Variants in PCDHB3 observed in about 807,000 individuals in gnomAD.
PCDHB3 encodes protocadherin beta 3, also known as protocadherin beta-3.
For synonymous variants in PCDHB3, 479 were observed against 456.0 expected, an observed-to-expected ratio of 1.05 and a Z score of -0.64; for missense variants, 967 against 1,012.1, an observed-to-expected ratio of 0.96 and a Z score of 0.60.
rs1554272204 is a variant in PCDHB3, at chr5:141,101,157, T to A, written c.508T>A (p.Tyr170Asn). 1 of 1,614,150 alleles carries A rather than the reference T, an allele frequency of 6.2e-7. No homozygotes were observed. The highest frequency in any genetic ancestry group is 1.1e-5 in the South Asian group (1 of 91,088). Residue 170 changes from tyrosine (Y) to asparagine (N), a missense_variant, in exon 1 of 1, where the codon TAC (tyrosine) becomes AAC (asparagine). By Grantham distance (143) the Tyr-to-Asn change is moderately radical. Transcript: ENST00000231130. ...TGTGGGAAGAAACAGCCTCCAAAAC[T>A]ACACTATCACTCCGAATTCCCACTT... ...LDVGRNSLQN[Y>N]TITPNSHFHV...
In PCDHB3 at chr5:141,102,773, C is replaced by T. The variant is rs782371087; in HGVS notation, c.2124C>T (p.Phe708=). The part of the protein sequence containing the change: ...SSLFLFSVLL[F]VAVRLCRRSR... ...TCTTCCTCTTTTCGGTGCTCCTGTTCGTGGCGGTGCGGCTGTGCAGGAGGA... is the reference window on the plus strand; with the variant it reads ...TCTTCCTCTTTTCGGTGCTCCTGTTTGTGGCGGTGCGGCTGTGCAGGAGGA... Residue 708 remains phenylalanine (F), a synonymous_variant, in exon 1 of 1, where the codon TTC becomes TTT. Coordinates refer to ENST00000231130, the MANE Select transcript of PCDHB3 (RefSeq NM_018937.5). 1 of 1,612,202 alleles carries T rather than the reference C, an allele frequency of 6.2e-7. No individual in the cohort carries two copies.
Position 141,102,379 on chromosome 5 carries a change from CCCGGGCGGCTGAG to C in PCDHB3, c.1737_1749del (p.Ala580ThrfsTer3), listed in dbSNP as rs541148618. The C allele has an allele frequency of 0.012, 19,297 of 1,609,148 alleles. 167 individuals carry two copies. The highest frequency in any genetic ancestry group is 0.015 in the Non-Finnish European group (17,363 of 1,177,842). On this transcript the variant is annotated frameshift_variant, in exon 1 of 1. Transcript: ENST00000231130. LOFTEE classifies it low-confidence loss of function (END_TRUNC). ...TCCGCGCCCTGCACCGAGCTGGTGC[CCCGGGCGGCTGAG>C]CCGGGCTACCTGGTGACCAAGGTGG... is the stretch of plus-strand genomic sequence containing the variant.
chr5:141,102,827 G>C lies in PCDHB3; in HGVS notation c.2178G>C (p.Ser726=), dbSNP rs370310302. 2.5e-6 allele frequency: 4 copies of C among 1,612,030 alleles called. No homozygotes were observed. Among genetic ancestry groups the C allele is most frequent in the African/African-American group, 1.3e-5 (1 of 74,706 alleles). ...GGGCGGCCTCGGTGGGTCGCTGCTC[G>C]GTGCCCGAGGGCCCCTTTCCAGGGC... ...RSRAASVGRC[S]VPEGPFPGQM... is the part of the protein sequence containing the mutation. The change falls in exon 1 of 1, where the codon TCG becomes TCC. Residue 726 remains serine (S), a synonymous_variant. Transcript: ENST00000231130.
In PCDHB3 at chr5:141,102,778, C is replaced by A. The variant is rs782039280; in HGVS notation, c.2129C>A (p.Ala710Glu). The A allele has an allele frequency of 1.2e-6, 2 of 1,612,190 alleles. No homozygotes were observed. Among genetic ancestry groups the A allele is most frequent in the South Asian group, 2.2e-5 (2 of 90,978 alleles). Residue 710 changes from alanine to glutamate, a missense_variant, in exon 1 of 1, where the codon GCG (alanine) becomes GAG (glutamate). Physicochemically the swap from Ala to Glu is moderately radical, Grantham distance 107. Coordinates refer to ENST00000231130, the MANE Select transcript of PCDHB3 (RefSeq NM_018937.5). ...LFLFSVLLFV[A>E]VRLCRRSRAA... The stretch of plus-strand genomic sequence containing the variant: ...CTCTTTTCGGTGCTCCTGTTCGTGG[C>A]GGTGCGGCTGTGCAGGAGGAGCAGG...
chr5:141,103,126 T>C lies in PCDHB3; in HGVS notation c.*86T>C. On this transcript the variant is annotated 3_prime_UTR_variant, in exon 1 of 1. Transcript: ENST00000231130. ...GCTTTGTCCATTGGAGAGGTCTTTT[T>C]TGGTCTGGTTCAAGGCAAGTAGCAA... 2 of 1,489,960 alleles carry C rather than the reference T, an allele frequency of 1.3e-6. No homozygotes were observed. Among genetic ancestry groups the C allele is most frequent in the Non-Finnish European group, 1.8e-6 (2 of 1,109,456 alleles). 92.3% of individuals were successfully genotyped at this position (1,489,960 alleles called of 1,614,324 possible).
chr5:141,102,279 G>A lies in PCDHB3; in HGVS notation c.1630G>A (p.Glu544Lys). ...TDRGSPALSS[E>K]ALVRVLVLDA... ...CCGTGGCTCCCCGGCTTTGAGCAGC[G>A]AGGCGCTGGTGCGCGTGCTGGTGCT... The change falls in exon 1 of 1, where the codon GAG (glutamate) becomes AAG (lysine). Residue 544 changes from glutamate (E) to lysine (K), a missense_variant. Coordinates refer to ENST00000231130, the MANE Select transcript of PCDHB3 (RefSeq NM_018937.5). 6.2e-7 allele frequency: 1 copy of A among 1,611,898 alleles called. No homozygotes were observed. Among genetic ancestry groups the A allele is most frequent in the Non-Finnish European group, 8.5e-7 (1 of 1,179,784 alleles).
At position 141,101,282 on chromosome 5, in the gene PCDHB3, G is replaced by C; in HGVS notation, c.633G>C (p.Thr211=). The change falls in exon 1 of 1, where the codon ACG becomes ACC. Residue 211 remains threonine (T), a synonymous_variant. Transcript: ENST00000231130. ...DPEEQPELSL[T]LTALDGGSPP... ...AGGAGCAGCCGGAACTCAGCTTAAC[G>C]CTCACCGCGCTGGACGGCGGCTCTC... The C allele has an allele frequency of 1.9e-6, 3 of 1,614,200 alleles. No homozygotes were observed. Among genetic ancestry groups the C allele is most frequent in the Non-Finnish European group, 1.7e-6 (2 of 1,180,044 alleles).
In PCDHB3 at chr5:141,103,031, A is replaced by T. The variant is rs540337750; in HGVS notation, c.2382A>T (p.Glu794Asp). ...ATCCCAGTTTCAGGAAGAGCTTTGA[A>T]TTCAGTTAAGTGTTAATAAGGATCT... ...EANPSFRKSF[E>D]FS The change falls in exon 1 of 1, where the codon GAA becomes GAT. Residue 794 changes from glutamate to aspartate, a missense_variant. Physicochemically the swap from Glu to Asp is conservative, Grantham distance 45. Transcript: ENST00000231130. 6 of 1,607,802 alleles carry T rather than the reference A, an allele frequency of 3.7e-6. No individual in the cohort carries two copies. In the South Asian group the frequency reaches 6.7e-5, roughly 18 times the overall value.
chr5:141,102,294 G>C lies in PCDHB3; in HGVS notation c.1645G>C (p.Val549Leu). 1 of 1,611,728 alleles carries C rather than the reference G, an allele frequency of 6.2e-7. No homozygotes were observed. Among genetic ancestry groups the C allele is most frequent in the Non-Finnish European group, 8.5e-7 (1 of 1,179,712 alleles). Residue 549 changes from valine (V) to leucine (L), a missense_variant, in exon 1 of 1, where the codon GTG (valine) becomes CTG (leucine). Transcript: ENST00000231130. ...TTTGAGCAGCGAGGCGCTGGTGCGCGTGCTGGTGCTGGACGCCAACGACAA... is the reference window on the plus strand; with the variant it reads ...TTTGAGCAGCGAGGCGCTGGTGCGCCTGCTGGTGCTGGACGCCAACGACAA... ...PALSSEALVR[V>L]LVLDANDNSP...
chr5:141,102,382 G>A lies in PCDHB3; in HGVS notation c.1733G>A (p.Arg578Gln), dbSNP rs1345846371. Reference sequence around the variant, plus strand: ...GCGCCCTGCACCGAGCTGGTGCCCCGGGCGGCTGAGCCGGGCTACCTGGTG... The same window carrying A: ...GCGCCCTGCACCGAGCTGGTGCCCCAGGCGGCTGAGCCGGGCTACCTGGTG... ...GSAPCTELVP[R>Q]AAEPGYLVTK... Residue 578 changes from arginine to glutamine, a missense_variant, in exon 1 of 1, where the codon CGG (arginine) becomes CAG (glutamine). By Grantham distance (43) the Arg-to-Gln change is conservative. Transcript: ENST00000231130. 2 of 1,570,996 alleles carry A rather than the reference G, an allele frequency of 1.3e-6. No homozygotes were observed.
rs1554272263 is a variant in PCDHB3 at position 141,101,333 on chromosome 5, A to G, written c.684A>G (p.Ile228Met). 1 of 1,614,088 alleles carries G rather than the reference A, an allele frequency of 6.2e-7. No homozygotes were observed. Among genetic ancestry groups the G allele is most frequent in the Non-Finnish European group, 8.5e-7 (1 of 1,180,024 alleles). ...GSPPRSGTAQ[I>M]NIQVLDINDN... ...CCCCTCGGTCTGGGACAGCCCAGAT[A>G]AACATCCAGGTCTTAGATATAAACG... Residue 228 changes from isoleucine (I) to methionine (M), a missense_variant, in exon 1 of 1, where the codon ATA (isoleucine) becomes ATG (methionine). By Grantham distance (10) the Ile-to-Met change is conservative (BLOSUM62 1). Transcript: ENST00000231130.
Position 141,101,914 on chromosome 5 carries a change from C to G in PCDHB3, c.1265C>G (p.Thr422Ser), listed in dbSNP as rs1386795631. 6.2e-7 allele frequency: 1 copy of G among 1,614,064 alleles called. No homozygotes were observed. The highest frequency in any genetic ancestry group is 1.3e-5 in the African/African-American group (1 of 74,928). The change falls in exon 1 of 1, where the codon ACT (threonine) becomes AGT (serine). Residue 422 changes from threonine (T) to serine (S), a missense_variant. Coordinates refer to ENST00000231130, the MANE Select transcript of PCDHB3 (RefSeq NM_018937.5). ...AGATCCGAGTACAACATTACCATCACTATCACTGACCTGGGGACACCCAGG... is the reference window on the plus strand; with the variant it reads ...AGATCCGAGTACAACATTACCATCAGTATCACTGACCTGGGGACACCCAGG... ...ETRSEYNITI[T>S]ITDLGTPRLK...
Position 141,101,301 on chromosome 5 carries a change from G to A in PCDHB3, c.652G>A (p.Gly218Ser), listed in dbSNP as rs200289588. ...CTTAACGCTCACCGCGCTGGACGGC[G>A]GCTCTCCCCCTCGGTCTGGGACAGC... ...LSLTLTALDG[G>S]SPPRSGTAQI... Residue 218 changes from glycine to serine, a missense_variant, in exon 1 of 1, where the codon GGC becomes AGC. Gly to Ser is a moderately conservative substitution (Grantham distance 56, BLOSUM62 0). Transcript: ENST00000231130. 1.9e-4 allele frequency: 313 copies of A among 1,613,912 alleles called. No homozygotes were observed. The highest frequency in any genetic ancestry group is 2.6e-4 in the Non-Finnish European group (301 of 1,179,922).
Position 141,103,131 on chromosome 5 carries a change from C to G in PCDHB3, c.*91C>G. On this transcript the variant is annotated 3_prime_UTR_variant, in exon 1 of 1. Transcript: ENST00000231130. ...GTCCATTGGAGAGGTCTTTTTTGGT[C>G]TGGTTCAAGGCAAGTAGCAAGAATA... 1 of 1,470,276 alleles carries G rather than the reference C, an allele frequency of 6.8e-7. No homozygotes were observed. The highest frequency in any genetic ancestry group is 9.2e-7 in the Non-Finnish European group (1 of 1,092,094). 91.1% of individuals were successfully genotyped at this position (1,470,276 alleles called of 1,614,324 possible). A position where few individuals can be genotyped will look rare whatever the true frequency, so the allele number is the denominator to read the frequency against.
chr5:141,100,540 G>A lies in PCDHB3; in HGVS notation c.-110G>A. 1.2e-6 allele frequency: 1 copy of A among 866,370 alleles called. No homozygotes were observed. Among genetic ancestry groups the A allele is most frequent in the Non-Finnish European group, 1.8e-6 (1 of 553,108 alleles). The allele number at this position is 866,370 out of a possible 1,614,324, so 53.7% of individuals were successfully genotyped here. ...GCCAGCAAGTCTGAGCCTCTGGAAA[G>A]GCTTATTCACTAGGCCGTCTACAAA... On this transcript the variant is annotated 5_prime_UTR_variant, in exon 1 of 1. Coordinates refer to ENST00000231130, the MANE Select transcript of PCDHB3 (RefSeq NM_018937.5).
In PCDHB3 at chr5:141,100,711, T is replaced by C. The variant is rs1554272055; in HGVS notation, c.62T>C (p.Leu21Pro). The C allele has an allele frequency of 5.6e-6, 9 of 1,613,254 alleles. No individual in the cohort carries two copies. The highest frequency in any genetic ancestry group is 2.7e-5 in the African/African-American group (2 of 74,838). The change falls in exon 1 of 1, where the codon CTG (leucine) becomes CCG (proline). Residue 21 changes from leucine (L) to proline (P), a missense_variant. Physicochemically the swap from Leu to Pro is moderately conservative, Grantham distance 98 (BLOSUM62 -3). Transcript: ENST00000231130. ...CAAGTCTTGCTTCTCTTTGTTTTTC[T>C]GGGAGGGTCTCTGGCTGGGTCCGAG... ...QRQVLLLFVF[L>P]GGSLAGSESR...
Position 141,100,801 on chromosome 5 carries a change from A to T in PCDHB3, c.152A>T (p.Asp51Val). ...KGFLIANLAK[D>V]LGLRVEELAA... Reference sequence around the variant, plus strand: ...TTTTTAATAGCCAACCTAGCAAAGGATCTGGGACTAAGGGTAGAGGAACTG... The same window carrying T: ...TTTTTAATAGCCAACCTAGCAAAGGTTCTGGGACTAAGGGTAGAGGAACTG... Residue 51 changes from aspartate to valine, a missense_variant, in exon 1 of 1, where the codon GAT (aspartate) becomes GTT (valine). Coordinates refer to ENST00000231130, the MANE Select transcript of PCDHB3 (RefSeq NM_018937.5). 6.2e-7 allele frequency: 1 copy of T among 1,614,126 alleles called. No individual in the cohort carries two copies. Among genetic ancestry groups the T allele is most frequent in the South Asian group, 1.1e-5 (1 of 91,076 alleles).
chr5:141,102,060 G>C lies in PCDHB3; in HGVS notation c.1411G>C (p.Gly471Arg), dbSNP rs782301047. The C allele has an allele frequency of 5.3e-5, 86 of 1,612,788 alleles. No individual in the cohort carries two copies. Among genetic ancestry groups the C allele is most frequent in the Admixed American group, 2.7e-4 (16 of 59,998 alleles). Residue 471 changes from glycine (G) to arginine (R), a missense_variant, in exon 1 of 1, where the codon GGC becomes CGC. Transcript: ENST00000231130. ...GAACAACAGCCCCGCCCTGCACATC[G>C]GCAGTGTCAGCGCCACAGACAGAGA... ...RENNSPALHI[G>R]SVSATDRDSG... is the part of the protein sequence containing the mutation.
Position 141,102,601 on chromosome 5 carries a change from C to T in PCDHB3, c.1952C>T (p.Pro651Leu). 2 of 1,608,600 alleles carry T rather than the reference C, an allele frequency of 1.2e-6. No homozygotes were observed. Among genetic ancestry groups the T allele is most frequent in the Non-Finnish European group, 8.5e-7 (1 of 1,179,698 alleles). Residue 651 changes from proline (P) to leucine (L), a missense_variant, in exon 1 of 1, where the codon CCG becomes CTG. Transcript: ENST00000231130. ...CTGGTCAAGGACAATGGCGAGCCTCCGCGCTCGGCCACCGCCACGCTGCAT... is the reference window on the plus strand; with the variant it reads ...CTGGTCAAGGACAATGGCGAGCCTCTGCGCTCGGCCACCGCCACGCTGCAT... ...VVLVKDNGEP[P>L]RSATATLHVL...
Sources: gnomAD v4.1 joint callset for allele counts on GRCh38, gnomAD v4.1.1 for gene constraint, MANE v1.5 for transcripts, NCBI Gene and HGNC (gene_info 2026-07-23, HGNC 2026-07-21) for gene names.